MYRIP: variants seen among roughly 807,000 people sequenced by gnomAD.
MYRIP encodes the protein myosin VIIA and Rab interacting protein.
In MYRIP, 49 loss-of-function variants were observed where a neutral mutation model predicts 98.0. The ratio of observed to expected loss-of-function variants is 0.50; its 90% CI spans 0.40 to 0.63. The LOEUF is 0.63. Ranked by LOEUF, MYRIP falls within the 30% of genes least tolerant of loss-of-function variation. The pLI is 0.00. For synonymous variants in MYRIP, 404 were observed against 409.5 expected (o/e 0.99, Z 0.16); for missense variants, 1,004 against 1,058.2 (o/e 0.95, Z 0.71).
At chr3:40,248,531 GC>G (rs1419149735) in intron 13 of MYRIP, 6 of 152,162 alleles carry the variant, frequency 3.9e-5, no homozygotes, top group Non-Finnish European at 8.8e-5. Context: ...GCCCTCAGTA[GC>G]CTCCTCTTTC....
chr3:40,055,996 A>G (rs553179662), intron 3 of MYRIP, among the ~76,000 whole-genome samples: 32 of 152,328 alleles, frequency 2.1e-4, no homozygotes, highest in African/African-American at 7.0e-4. Flanking sequence ...TAATTCAACA[A>G]ATATTAATTA....
intron 16 of MYRIP, 104 bp from the exon 17 acceptor site, chr3:40,258,030 C>A: frequency 7.9e-7 from 1 of 1,270,226 alleles, no homozygotes; most frequent in South Asian, 1.2e-5. Context: ...GGTCAAAAAG[C>A]ATGAATAGCT....
chr3:40,162,846 T>G, intron 5 of MYRIP, 36 bp downstream of exon 5: 1 of 1,591,168 alleles, frequency 6.3e-7, no homozygotes, highest in Non-Finnish European at 8.6e-7. Context: ...TACTGGGAAG[T>G]TGGAGTAATA....
intron 2 of MYRIP, among the ~76,000 whole-genome samples, chr3:40,026,422 G>A (rs528828880): frequency 2.7e-5 from 4 of 149,990 alleles, no homozygotes; most frequent in Admixed American, 6.6e-5. Context: ...AAACACACAT[G>A]TTTTACAATC....
intron 2 of MYRIP, among the ~76,000 whole-genome samples, chr3:40,010,813 T>C (rs976933666): frequency 3.3e-5 from 5 of 152,186 alleles, no homozygotes; most frequent in Non-Finnish European, 7.3e-5. Context: ...TCTTGTGCCA[T>C]CCTGCTTTCC....
At chr3:40,212,307 TG>T (rs1951985102) in intron 11 of MYRIP, among the ~76,000 whole-genome samples, 1 of 144,156 alleles carries the variant, frequency 6.9e-6, no homozygotes, top group Non-Finnish European at 1.5e-5. Flanking sequence ...ATATATATGT[TG>T]GAGGGTTCAG....
chr3:39,978,447 G>C (rs1289633063), intron 2 of MYRIP, among the ~76,000 whole-genome samples: 1 of 152,188 alleles, frequency 6.6e-6, no homozygotes, highest in East Asian at 1.9e-4. Context: ...TTGTCTGCCT[G>C]TCATTAGGTG....
At chr3:39,936,656 C>A (rs185151251) in intron 2 of MYRIP, among the ~76,000 whole-genome samples, 18 of 152,256 alleles carry the variant, frequency 1.2e-4, no homozygotes, top group African/African-American at 4.3e-4. Context: ...GCAGAGCATG[C>A]AAATACAGCA....
chr3:39,823,129 C>A (rs1274748664), intron 1 of MYRIP, among the ~76,000 whole-genome samples: 1 of 150,540 alleles, frequency 6.6e-6, no homozygotes, highest in Non-Finnish European at 1.5e-5. Flanking sequence ...AAGTGTTTCT[C>A]CTGCCTCAGC....
intron 2 of MYRIP, among the ~76,000 whole-genome samples, chr3:39,938,215 T>C (rs149181322): frequency 6.6e-6 from 1 of 152,308 alleles, no homozygotes; most frequent in East Asian, 1.9e-4. Context: ...TTTGCCTATT[T>C]TTGAACTTTA....
chr3:39,919,456 C>T (rs1944248208), intron 2 of MYRIP, among the ~76,000 whole-genome samples: 1 of 152,210 alleles, frequency 6.6e-6, no homozygotes, highest in South Asian at 2.1e-4. Flanking sequence ...TTCTCCAGGC[C>T]TGGGCTTTTG....
chr3:39,892,632 G>A (rs544768127), intron 1 of MYRIP, among the ~76,000 whole-genome samples: 1 of 152,148 alleles, frequency 6.6e-6, no homozygotes. Context: ...ATTGTATCAT[G>A]ATCTGAAAGT....
At chr3:39,851,855 G>A (rs1339688170) in intron 1 of MYRIP, among the ~76,000 whole-genome samples, 1 of 152,054 alleles carries the variant, frequency 6.6e-6, no homozygotes, top group Admixed American at 6.6e-5. Context: ...GTTTTGTGGT[G>A]ATGGCATTTA....
In MYRIP at chr3:40,007,362, A is replaced by G. The variant is rs144395491; in HGVS notation, c.111-36688A>G. ...ATATGTTAAAAAAAAAAAACCACACATGGAGAATCCTTTCTAAAACAGGCG... is the reference window on the plus strand; with the variant it reads ...ATATGTTAAAAAAAAAAAACCACACGTGGAGAATCCTTTCTAAAACAGGCG... On this transcript the variant is annotated intron_variant, in intron 2 of 16. Transcript: ENST00000302541. Among the ~76,000 whole-genome samples, 370 of 151,676 alleles carry G rather than the reference A, an allele frequency of 2.4e-3. 2 individuals carry two copies. The highest frequency in any genetic ancestry group is 7.9e-3 in the African/African-American group (328 of 41,272).
At chr3:40,164,734 A>C (rs770095975) in intron 5 of MYRIP, among the ~76,000 whole-genome samples, 1 of 152,204 alleles carries the variant, frequency 6.6e-6, no homozygotes, top group African/African-American at 2.4e-5. Flanking sequence ...TCTCTGAAAC[A>C]CTGACCTGAA....
chr3:40,114,204 G>A (rs1466353938), intron 3 of MYRIP, among the ~76,000 whole-genome samples: 2 of 152,078 alleles, frequency 1.3e-5, no homozygotes, highest in African/African-American at 4.8e-5. Context: ...TATTTCTACT[G>A]TACCTTTTCT....
At chr3:40,001,672 A>T (rs1281170043) in intron 2 of MYRIP, among the ~76,000 whole-genome samples, 3 of 152,210 alleles carry the variant, frequency 2.0e-5, no homozygotes, top group African/African-American at 7.2e-5. Flanking sequence ...AAGGCCATAC[A>T]TTGCAAGGGT....
chr3:39,810,615 G>C (rs962798013), intron 1 of MYRIP: 1 of 152,286 alleles, frequency 6.6e-6, no homozygotes, highest in Non-Finnish European at 1.5e-5. Flanking sequence ...CCTGATGGAC[G>C]CGTGGAGCGG....
chr3:40,215,348 G>GA (rs1952084032), intron 11 of MYRIP, among the ~76,000 whole-genome samples: 2 of 151,818 alleles, frequency 1.3e-5, no homozygotes, highest in Admixed American at 1.3e-4. Context: ...TTTCAATTTT[G>GA]AAAAAATTGA....
Sources: allele counts gnomAD v4.1 joint callset (sites outside exome capture counted in the v4.1 genomes callset), GRCh38; gene constraint gnomAD v4.1.1; transcripts MANE v1.5; gene names NCBI Gene and HGNC (gene_info 2026-07-23, HGNC 2026-07-21).